Variants in PTPRG observed in about 807,000 individuals in gnomAD.
PTPRG encodes receptor-type tyrosine-protein phosphatase gamma.
A neutral mutation model predicts 165.3 loss-of-function variants in PTPRG; 102 were observed. The ratio of observed to expected loss-of-function variants is 0.62; its 90% confidence interval spans 0.53 to 0.73. PTPRG has a LOEUF of 0.73. PTPRG is among the 30% of genes least tolerant of loss of function. The probability of loss-of-function intolerance (pLI) is 0.00; values close to 1 mark genes in which losing one functional copy is unlikely to be tolerated. For synonymous variants in PTPRG, 675 were observed against 669.5 expected (o/e 1.01, Z -0.13); for missense variants, 1,866 against 1,861.4 (o/e 1.00, Z -0.05).
chr3:62,167,122 T>C (rs4511893), intron 7 of PTPRG, among the ~76,000 whole-genome samples: 12,931 of 152,234 alleles, frequency 0.085, 759 homozygotes, highest in Non-Finnish European at 0.13. Flanking sequence ...CTAACCTTAA[T>C]TGAGGACTTA....
chr3:62,268,862 T>G (rs2148869035), intron 19 of PTPRG, among the ~76,000 whole-genome samples, 173 bp from the exon 20 acceptor site: 1 of 152,312 alleles, frequency 6.6e-6, no homozygotes, highest in East Asian at 1.9e-4. Context: ...TCCCAAGCCA[T>G]CAGCCTTGTC....
chr3:61,591,828 C>G (rs905387893), intron 1 of PTPRG, among the ~76,000 whole-genome samples: 6 of 152,100 alleles, frequency 3.9e-5, no homozygotes, highest in Non-Finnish European at 5.9e-5. Context: ...CGGTGCGATT[C>G]CTGTTTCTAG....
chr3:62,286,113 ATTTT>A (rs1374746011), intron 28 of PTPRG, among the ~76,000 whole-genome samples: 1 of 152,112 alleles, frequency 6.6e-6, no homozygotes, highest in Admixed American at 6.6e-5. Context: ...GTCCTCAATA[ATTTT>A]TTATTTTAAT....
intron 1 of PTPRG, among the ~76,000 whole-genome samples, chr3:61,635,976 TTAGA>T (rs1441839262): frequency 6.6e-6 from 1 of 152,168 alleles, no homozygotes; most frequent in African/African-American, 2.4e-5. Flanking sequence ...TGACCAACAG[TTAGA>T]TAGCCTCTGC....
intron 2 of PTPRG, among the ~76,000 whole-genome samples, chr3:61,894,283 C>A (rs113724963): frequency 1.6e-3 from 170 of 107,338 alleles, no homozygotes; most frequent in Non-Finnish European, 2.1e-3. Context: ...GCCCGGGCAA[C>A]AGAGCAAGAC....
chr3:62,001,193 A>C (rs973022650), intron 3 of PTPRG, among the ~76,000 whole-genome samples: 1 of 152,220 alleles, frequency 6.6e-6, no homozygotes, highest in African/African-American at 2.4e-5. Flanking sequence ...AATATGAGAC[A>C]TTTTTGGAAG....
At chr3:62,199,439 A>G (rs1192382431) in intron 10 of PTPRG, among the ~76,000 whole-genome samples, 1 of 150,690 alleles carries the variant, frequency 6.6e-6, no homozygotes, top group African/African-American at 2.5e-5. Flanking sequence ...AAAGGGGGTG[A>G]TGGACACTCA....
In PTPRG at chr3:62,218,734, A is replaced by C. The variant is rs1400578070; in HGVS notation, c.2156-117A>C. 26 of 1,357,330 alleles carry C rather than the reference A, an allele frequency of 1.9e-5. No individual in the cohort carries two copies. The East Asian group carries it at 4.3e-4, about 22-fold the overall frequency. 84.1% of individuals were successfully genotyped at this position (1,357,330 alleles called of 1,614,324 possible). A position where few individuals can be genotyped will look rare whatever the true frequency, so the allele number is the denominator to read the frequency against. On this transcript the variant is annotated intron_variant, in intron 12 of 29. Coordinates refer to ENST00000474889, the MANE Select transcript of PTPRG (RefSeq NM_002841.4). ...TGCCCCTCCTGTCATGGGGCAGCTCAGAGCAAATGGCCCAGTTCGCCAGAA... is the reference window on the plus strand; with the variant it reads ...TGCCCCTCCTGTCATGGGGCAGCTCCGAGCAAATGGCCCAGTTCGCCAGAA...
chr3:61,711,637 C>A (rs2031561676), intron 1 of PTPRG, among the ~76,000 whole-genome samples: 2 of 152,142 alleles, frequency 1.3e-5, no homozygotes, highest in Non-Finnish European at 2.9e-5. Context: ...AAGAAACTAT[C>A]AGAATGAACA....
rs562603923 is a variant in PTPRG at position 62,195,189 on chromosome 3, C to G, written c.1327+19C>G. On this transcript the variant is annotated intron_variant, in intron 10 of 29. Transcript: ENST00000474889. The surrounding 1 kb of genome is among the most constrained non-coding windows in gnomAD (Gnocchi z 4.4). Reference sequence around the variant, plus strand: ...TTTCAAGGTGAGGCTGGCTTCCCCTCCTGTGGCCGGGGTGCCCCTGAGACT... The same window carrying G: ...TTTCAAGGTGAGGCTGGCTTCCCCTGCTGTGGCCGGGGTGCCCCTGAGACT... 264 of 1,607,496 alleles carry G rather than the reference C, an allele frequency of 1.6e-4. 5 individuals carry two copies. In the South Asian group the frequency reaches 2.0e-3, roughly 12 times the overall value.
rs1468015727 is a variant in PTPRG at position 62,273,090 on chromosome 3, T to G, written c.3318+9T>G. 1 of 1,601,126 alleles carries G rather than the reference T, an allele frequency of 6.2e-7. No homozygotes were observed. The highest frequency in any genetic ancestry group is 1.3e-5 in the African/African-American group (1 of 74,224). ...ACCTCGTCCAGACTGAGGTAAGGAG[T>G]AGCTGCCAGCGTCCTCACGACATTC... On this transcript the variant is annotated intron_variant, in intron 22 of 29. Transcript: ENST00000474889. This position sits in a 1 kb window ranked among gnomAD's most constrained non-coding sequence, Gnocchi z 4.1.
At chr3:61,847,584 A>G (rs1348125229) in intron 2 of PTPRG, among the ~76,000 whole-genome samples, 1 of 152,202 alleles carries the variant, frequency 6.6e-6, no homozygotes, top group African/African-American at 2.4e-5. Context: ...GACACTGAAC[A>G]TGGCTATCAC....
intron 1 of PTPRG, among the ~76,000 whole-genome samples, chr3:61,577,399 A>G (rs962508928): frequency 2.0e-5 from 3 of 152,190 alleles, no homozygotes; most frequent in African/African-American, 7.2e-5. Context: ...TCTGTTCAAT[A>G]TGGTAGCCAC....
chr3:62,099,971 G>C (rs1398297865), intron 5 of PTPRG, among the ~76,000 whole-genome samples: 2 of 151,726 alleles, frequency 1.3e-5, no homozygotes, highest in Non-Finnish European at 2.9e-5. Flanking sequence ...GCTAATTTTT[G>C]TATTTTTAGT....
At chr3:61,593,194 C>G (rs1700615887) in intron 1 of PTPRG, among the ~76,000 whole-genome samples, 1 of 152,034 alleles carries the variant, frequency 6.6e-6, no homozygotes. Flanking sequence ...GGAACTCTGG[C>G]CCATATCCAT....
chr3:61,621,907 C>T (rs879359916), intron 1 of PTPRG, among the ~76,000 whole-genome samples: 11 of 152,114 alleles, frequency 7.2e-5, no homozygotes, highest in Non-Finnish European at 1.5e-4. Flanking sequence ...GGGAAATAGC[C>T]AGCACATGGT....
intron 27 of PTPRG, among the ~76,000 whole-genome samples, chr3:62,282,198 G>A (rs934650182): frequency 6.6e-6 from 1 of 151,800 alleles, no homozygotes; most frequent in Admixed American, 6.6e-5. Flanking sequence ...ATTGTCACTT[G>A]AAATTTTTGA....
At chr3:61,939,732 G>A (rs1175063286) in intron 2 of PTPRG, among the ~76,000 whole-genome samples, 1 of 152,082 alleles carries the variant, frequency 6.6e-6, no homozygotes. Context: ...ATTTTGCAAA[G>A]CTAAATAGGG....
At chr3:62,184,226 C>T (rs532466857) in intron 8 of PTPRG, among the ~76,000 whole-genome samples, 4 of 152,302 alleles carry the variant, frequency 2.6e-5, no homozygotes, top group African/African-American at 9.6e-5. Context: ...AGCCGCAGCT[C>T]CAGCTAGAAA....
Sources: gnomAD v4.1 joint callset for allele counts (sites outside exome capture counted in the v4.1 genomes callset) on GRCh38, gnomAD v4.1.1 for gene constraint, Gnocchi (gnomAD v3.1) non-coding constraint, MANE v1.5 for transcripts, NCBI Gene and HGNC (gene_info 2026-07-23, HGNC 2026-07-21) for gene names.